Variants in LAMA1 observed in about 807,000 individuals in gnomAD.
LAMA1 encodes the protein laminin subunit alpha 1.
LAMA1 carries 219 observed loss-of-function variants against 348.7 expected under a neutral mutation model. The ratio of observed to expected loss-of-function variants is 0.63; its 90% CI spans 0.56 to 0.70. The LOEUF (loss-of-function observed/expected upper bound fraction) is 0.70, where lower values mean the gene tolerates loss of function less well. Ranked by LOEUF, LAMA1 falls within the 30% of genes least tolerant of loss-of-function variation. The pLI is 0.00. For synonymous variants in LAMA1, 1,487 were observed against 1,491.0 expected, an observed-to-expected ratio of 1.00 and a Z score of 0.06; for missense variants, 3,744 against 3,888.0, an observed-to-expected ratio of 0.96 and a Z score of 0.99.
At chr18:6,943,447 C>T (rs764253891) in intron 61 of LAMA1, 45 bp from the exon 62 acceptor site, 4 of 1,488,376 alleles carry the variant, frequency 2.7e-6, no homozygotes, top group South Asian at 1.1e-5. Flanking sequence ...TTAAGGAACA[C>T]AGTCCATTTG....
At chr18:6,971,741 T>C in intron 48 of LAMA1, 116 bp downstream of exon 48, 1 of 1,430,428 alleles carries the variant, frequency 7.0e-7, no homozygotes, top group Non-Finnish European at 9.8e-7. Context: ...GCTAAACACC[T>C]ACCAGCGATA....
At chr18:7,006,132 T>C (rs560624075) in intron 29 of LAMA1, among the ~76,000 whole-genome samples, 314 of 151,936 alleles carry the variant, frequency 2.1e-3, no homozygotes, top group Non-Finnish European at 3.6e-3. Context: ...GCTTCAGGAG[T>C]AGGAAACGAA....
chr18:7,027,579 A>G (rs989887344), intron 16 of LAMA1, among the ~76,000 whole-genome samples: 1 of 152,090 alleles, frequency 6.6e-6, no homozygotes, highest in African/African-American at 2.4e-5. Flanking sequence ...CAGGGGAAAA[A>G]AAAAACAAAA....
chr18:6,954,853 TC>T (rs2057567442), intron 57 of LAMA1: 1 of 218,162 alleles, frequency 4.6e-6, no homozygotes, highest in Non-Finnish European at 9.2e-6. Context: ...CAACATGGAG[TC>T]CGGGAGCCCC....
rs1245816024 is a variant in LAMA1, at chr18:7,117,792, G to A, written c.-72C>T. ...CCGCCTGGAACGCTCCACGGGACGC[G>A]AGTCCGCGCTGCCCTGGCCCCGCCG... On this transcript the variant is annotated 5_prime_UTR_variant, in exon 1 of 63. Transcript: ENST00000389658. 16 of 1,381,496 alleles carry A rather than the reference G, an allele frequency of 1.2e-5. No homozygotes were observed. The highest frequency in any genetic ancestry group is 1.5e-5 in the Non-Finnish European group (15 of 1,010,324). The allele number at this position is 1,381,496 out of a possible 1,614,324, so 85.6% of individuals were successfully genotyped here. A position where few individuals can be genotyped will look rare whatever the true frequency, so the allele number is the denominator to read the frequency against.
chr18:7,117,567 T>G, intron 1 of LAMA1, 93 bp downstream of exon 1: 1 of 1,361,332 alleles, frequency 7.3e-7, no homozygotes, highest in Non-Finnish European at 1.0e-6. Flanking sequence ...GCGCCCGGAC[T>G]CCAGCAGCCC....
At chr18:6,983,455 A>G (rs6650623) in intron 39 of LAMA1, among the ~76,000 whole-genome samples, 29,475 of 152,160 alleles carry the variant, frequency 0.19, 3,129 homozygotes, top group Non-Finnish European at 0.25. Context: ...CAGAACTGCT[A>G]TTCAATCAAT....
chr18:7,049,179 A>G lies in LAMA1; in HGVS notation c.667T>C (p.Tyr223His). 4.3e-6 allele frequency: 7 copies of G among 1,614,218 alleles called. No homozygotes were observed. The highest frequency in any genetic ancestry group is 2.2e-5 in the East Asian group (1 of 44,888). ...ATGCGTTGCAAGCGAAGGCGAATAT[A>G]TCGTGCAGAAGTGAATTCCAACAAC... ...PKLLEFTSAR[Y>H]IRLRLQRIRT... is the part of the protein sequence containing the mutation. The change falls in exon 5 of 63, where the codon TAT becomes CAT. Residue 223 changes from tyrosine (Y) to histidine (H), a missense_variant. Tyr to His is a moderately conservative substitution (Grantham distance 83). Coordinates refer to ENST00000389658, the MANE Select transcript of LAMA1 (RefSeq NM_005559.4).
At chr18:6,972,988 GC>G in intron 47 of LAMA1, 68 bp downstream of exon 47, 1 of 1,574,118 alleles carries the variant, frequency 6.4e-7, no homozygotes, top group East Asian at 2.2e-5. Flanking sequence ...ACCACGCCCG[GC>G]CCATGACTTT....
chr18:6,955,101 T>C (rs894151621), intron 57 of LAMA1: 3 of 527,890 alleles, frequency 5.7e-6, no homozygotes, highest in African/African-American at 1.9e-5. Flanking sequence ...CTTCCTTACA[T>C]GCACACAGAA....
intron 1 of LAMA1, among the ~76,000 whole-genome samples, chr18:7,093,426 A>G (rs1418807896): frequency 6.6e-6 from 1 of 152,108 alleles, no homozygotes; most frequent in Non-Finnish European, 1.5e-5. Context: ...AAAAAAAGGC[A>G]TCAAATGTGT....
chr18:7,014,422 A>G (rs983186595), intron 22 of LAMA1, among the ~76,000 whole-genome samples: 1 of 152,084 alleles, frequency 6.6e-6, no homozygotes, highest in Non-Finnish European at 1.5e-5. Context: ...GGAGTTTGAG[A>G]CCAGCCTGGA....
In LAMA1 at chr18:7,043,376, A is replaced by G. The variant is rs1194209648; in HGVS notation, c.1006T>C (p.Cys336Arg). The change falls in exon 8 of 63, where the codon TGT (cysteine) becomes CGT (arginine). Residue 336 changes from cysteine to arginine, a missense_variant. Cys to Arg is a radical substitution (Grantham distance 180). This residue lies in a region of LAMA1 where 1,529 missense variants were observed against 1,689.4 expected (regional missense o/e 0.91). Transcript: ENST00000389658. ...ACNCHNKAKD[C>R]YYDESVAKQK... ...TTTGCAACACTTTCATCATAGTAAC[A>G]GTCTTTGGCTTTATTGTGACAATTA... is the stretch of plus-strand genomic sequence containing the variant. 3 of 1,613,782 alleles carry G rather than the reference A, an allele frequency of 1.9e-6. No homozygotes were observed. Among genetic ancestry groups the G allele is most frequent in the African/African-American group, 2.7e-5 (2 of 75,028 alleles).
rs763453529 is a variant in LAMA1 at position 6,995,375 on chromosome 18, C to T, written c.4878G>A (p.Thr1626=). Residue 1626 remains threonine (T), a synonymous_variant, in exon 34 of 63, where the codon ACG becomes ACA. Coordinates refer to ENST00000389658, the MANE Select transcript of LAMA1 (RefSeq NM_005559.4). ...AATTTACCTTCTTTTGCAGGTTGTC[C>T]GTTTCTTCTGCAACACCTTCAAGCT... ...KIKLEGVAEE[T]DNLQKKLTRM... 491 of 1,613,052 alleles carry T rather than the reference C, an allele frequency of 3.0e-4. 1 individual carries two copies. The highest frequency in any genetic ancestry group is 9.0e-5 in the Non-Finnish European group (106 of 1,179,028).
Position 6,985,656 on chromosome 18 carries a change from C to T in LAMA1, c.5380-13G>A, listed in dbSNP as rs617573. The stretch of plus-strand genomic sequence containing the variant: ...GCAGCTTTTTATCCTGCAGCAGAAA[C>T]GGCATTTTAAGGGTGCTTCATAAAA... On this transcript the variant is annotated splice_polypyrimidine_tract_variant and intron_variant, in intron 37 of 62. Coordinates refer to ENST00000389658, the MANE Select transcript of LAMA1 (RefSeq NM_005559.4). 1,370,596 of 1,596,944 alleles carry T rather than the reference C, an allele frequency of 0.86. 589,675 individuals are homozygous for T. The highest frequency in any genetic ancestry group is 0.99 in the East Asian group (44,187 of 44,754).
At chr18:7,000,036 C>T (rs2057800783) in intron 30 of LAMA1, 39 bp from the exon 31 acceptor site, 6 of 1,426,388 alleles carry the variant, frequency 4.2e-6, no homozygotes, top group Non-Finnish European at 5.9e-6. Flanking sequence ...TTCAGATATA[C>T]AATTTCCATC....
chr18:7,116,795 T>G (rs1366170204), intron 1 of LAMA1, among the ~76,000 whole-genome samples: 2 of 151,648 alleles, frequency 1.3e-5, no homozygotes, highest in Non-Finnish European at 2.9e-5. Context: ...TTTTCTTTCT[T>G]TCTCTCTCTT....
chr18:6,991,827 A>G (rs2057760219), intron 36 of LAMA1, among the ~76,000 whole-genome samples: 1 of 152,252 alleles, frequency 6.6e-6, no homozygotes, highest in African/African-American at 2.4e-5. Flanking sequence ...GTCCCTCACA[A>G]CATAATTTAA....
chr18:7,021,743 C>G (rs1411017289), intron 19 of LAMA1, among the ~76,000 whole-genome samples: 1 of 146,380 alleles, frequency 6.8e-6, no homozygotes, highest in African/African-American at 2.5e-5. Context: ...TTTTAAATTA[C>G]ATGGGTGGTT....
Sources: allele counts gnomAD v4.1 joint callset (sites outside exome capture counted in the v4.1 genomes callset), GRCh38; gene constraint gnomAD v4.1.1; regional missense constraint gnomAD v4.1.1; transcripts MANE v1.5; gene names NCBI Gene and HGNC (gene_info 2026-07-23, HGNC 2026-07-21).